ADGRL3: variants seen among roughly 807,000 people sequenced by gnomAD.
ADGRL3 encodes the protein calcium-independent alpha-latrotoxin receptor 3.
ADGRL3 carries 62 observed loss-of-function variants against 153.5 expected under a neutral mutation model. The observed-to-expected ratio is 0.40, with a 90% CI of 0.33 to 0.50. ADGRL3 has a LOEUF of 0.50. ADGRL3 is among the 20% of genes least tolerant of loss of function. ADGRL3 has a pLI of 0.47. For missense variants in ADGRL3, 1,641 were observed against 1,859.4 expected, an observed-to-expected ratio of 0.88 and a Z score of 2.16; for synonymous variants, 710 against 672.5, an observed-to-expected ratio of 1.06 and a Z score of -0.86.
chr4:61,746,036 A>G (rs974139016), intron 8 of ADGRL3, among the ~76,000 whole-genome samples: 5 of 152,298 alleles, frequency 3.3e-5, no homozygotes, highest in South Asian at 2.1e-4. Flanking sequence ...ATGGAAAACA[A>G]AAAAAGGCAG....
At chr4:61,398,958 T>C (rs2096898869) in intron 2 of ADGRL3, among the ~76,000 whole-genome samples, 1 of 151,732 alleles carries the variant, frequency 6.6e-6, no homozygotes, top group Non-Finnish European at 1.5e-5. Context: ...ATGTGCTTTT[T>C]CTTCCATCAT....
chr4:61,604,685 A>C (rs2099025032), intron 5 of ADGRL3, among the ~76,000 whole-genome samples: 1 of 152,182 alleles, frequency 6.6e-6, no homozygotes, highest in Non-Finnish European at 1.5e-5. Context: ...TAACACATAT[A>C]CCAAATGAGG....
At chr4:61,745,595 T>C (rs2096646508) in intron 8 of ADGRL3, among the ~76,000 whole-genome samples, 1 of 152,154 alleles carries the variant, frequency 6.6e-6, no homozygotes, top group African/African-American at 2.4e-5. Context: ...CAGAATTTCA[T>C]ATCCAGCCAA....
At chr4:61,595,331 A>G (rs546960432) in intron 5 of ADGRL3, among the ~76,000 whole-genome samples, 1 of 152,116 alleles carries the variant, frequency 6.6e-6, no homozygotes, top group Non-Finnish European at 1.5e-5. Flanking sequence ...CCCCCTGGGT[A>G]TCAATGGTGG....
intron 5 of ADGRL3, among the ~76,000 whole-genome samples, chr4:61,661,338 AC>A (rs1327940466): frequency 2.0e-5 from 3 of 152,104 alleles, no homozygotes; most frequent in Non-Finnish European, 4.4e-5. Context: ...TAAAATGATC[AC>A]TTTCAATTAT....
At chr4:61,972,224 T>G (rs2099030849) in intron 17 of ADGRL3, among the ~76,000 whole-genome samples, 1 of 152,182 alleles carries the variant, frequency 6.6e-6, no homozygotes, top group African/African-American at 2.4e-5. Context: ...AGACATGAAG[T>G]CCTTGCCCAT....
chr4:61,616,068 T>C (rs1157211312), intron 5 of ADGRL3, among the ~76,000 whole-genome samples: 2 of 152,056 alleles, frequency 1.3e-5, no homozygotes, highest in East Asian at 3.9e-4. Context: ...TATGAGGAAA[T>C]TAGACAGACA....
intron 8 of ADGRL3, among the ~76,000 whole-genome samples, chr4:61,740,601 G>C (rs763528302): frequency 1.3e-5 from 2 of 152,094 alleles, no homozygotes; most frequent in East Asian, 1.9e-4. Context: ...AAATATTCAC[G>C]TGTTTTCCAG....
At chr4:61,904,193 AC>A (rs2098683029) in intron 11 of ADGRL3, among the ~76,000 whole-genome samples, 1 of 151,026 alleles carries the variant, frequency 6.6e-6, no homozygotes, top group Non-Finnish European at 1.5e-5. Flanking sequence ...AAAAAAAAAA[AC>A]ACTTCTTGAA....
At chr4:61,905,754 G>A (rs1463944210) in intron 11 of ADGRL3, among the ~76,000 whole-genome samples, 1 of 151,856 alleles carries the variant, frequency 6.6e-6, no homozygotes, top group African/African-American at 2.4e-5. Context: ...AATTAGCTGG[G>A]CATGGTGGCA....
intron 23 of ADGRL3, 53 bp from the exon 24 acceptor site, chr4:62,037,677 GT>G: frequency 6.2e-7 from 1 of 1,600,804 alleles, no homozygotes; most frequent in South Asian, 1.1e-5. Flanking sequence ...GTCTACTTTT[GT>G]TCCTACCTGC....
chr4:61,976,634 C>T (rs1429404166), intron 17 of ADGRL3, among the ~76,000 whole-genome samples: 3 of 152,158 alleles, frequency 2.0e-5, no homozygotes, highest in Admixed American at 1.3e-4. Flanking sequence ...TTCCCCCATA[C>T]TGTTCTCATG....
chr4:61,583,511 G>T (rs192719582), intron 4 of ADGRL3, among the ~76,000 whole-genome samples: 1 of 152,058 alleles, frequency 6.6e-6, no homozygotes, highest in Non-Finnish European at 1.5e-5. Flanking sequence ...AGCAAGAATA[G>T]GGAGCTATTT....
intron 5 of ADGRL3, among the ~76,000 whole-genome samples, chr4:61,602,418 C>T (rs2099015873): frequency 6.6e-6 from 1 of 152,096 alleles, no homozygotes; most frequent in South Asian, 2.1e-4. Flanking sequence ...TGCATAGAGA[C>T]ATTTTTGGTT....
At chr4:61,960,869 C>A (rs893971270) in intron 17 of ADGRL3, among the ~76,000 whole-genome samples, 1 of 152,148 alleles carries the variant, frequency 6.6e-6, no homozygotes, top group South Asian at 2.1e-4. Context: ...GCCACCACAC[C>A]GAGCTAATTT....
chr4:61,806,341 G>A (rs193068641), intron 8 of ADGRL3, among the ~76,000 whole-genome samples: 13 of 151,798 alleles, frequency 8.6e-5, no homozygotes, highest in Middle Eastern at 3.4e-3. Flanking sequence ...ATAATTAGTG[G>A]GTAGCCAAGG....
intron 1 of ADGRL3, among the ~76,000 whole-genome samples, chr4:61,207,486 G>A (rs1737862654): frequency 6.6e-6 from 1 of 152,060 alleles, no homozygotes; most frequent in Non-Finnish European, 1.5e-5. Context: ...CTTTGCCATT[G>A]TGAACAGTGC....
chr4:61,568,726 C>G (rs1253026108), intron 4 of ADGRL3, among the ~76,000 whole-genome samples: 1 of 151,994 alleles, frequency 6.6e-6, no homozygotes, highest in Admixed American at 6.6e-5. Flanking sequence ...ACTATTTGAT[C>G]CTATTATATC....
chr4:61,229,098 G>A (rs1346372730), intron 1 of ADGRL3, among the ~76,000 whole-genome samples: 3 of 152,168 alleles, frequency 2.0e-5, no homozygotes, highest in African/African-American at 7.2e-5. Context: ...GAAAAAGCAA[G>A]GGCCTTAGAG....
Sources: allele counts gnomAD v4.1 joint callset (sites outside exome capture counted in the v4.1 genomes callset), GRCh38; gene constraint gnomAD v4.1.1; transcripts MANE v1.5; gene names NCBI Gene and HGNC (gene_info 2026-07-23, HGNC 2026-07-21).